The following HDAC9 variants were observed in gnomAD, a reference collection of about 807,000 sequenced individuals.
HDAC9 encodes MEF-2 interacting transcription repressor (MITR) protein.
In HDAC9, 41 loss-of-function variants were observed where a neutral mutation model predicts 139.4. The ratio of observed to expected loss-of-function variants is 0.29; its 90% CI spans 0.23 to 0.38. HDAC9 has a LOEUF of 0.38. Among genes scored for constraint, HDAC9 ranks in the 10% least tolerant of loss-of-function variants. The pLI is 1.00. For synonymous variants in HDAC9, 517 were observed against 476.2 expected, an observed-to-expected ratio of 1.09 and a Z score of -1.12; for missense variants, 1,147 against 1,297.0, an observed-to-expected ratio of 0.88 and a Z score of 1.78.
intron 1 of HDAC9, among the ~76,000 whole-genome samples, chr7:18,299,337 C>T (rs931297218): frequency 6.6e-6 from 1 of 151,332 alleles, no homozygotes; most frequent in South Asian, 2.1e-4. Context: ...GTTTTGTAAG[C>T]GCCTTTGGGT....
intron 2 of HDAC9, among the ~76,000 whole-genome samples, chr7:18,169,413 A>G (rs557627996): frequency 1.3e-5 from 2 of 151,394 alleles, no homozygotes; most frequent in South Asian, 4.2e-4. Flanking sequence ...TTATGGTTTT[A>G]ATTTTGCCAT....
At position 18,229,168 on chromosome 7, in the gene HDAC9, T is replaced by C. The variant is rs537348053; in HGVS notation, c.25+66819T>C. 4.6e-5 allele frequency among the ~76,000 whole-genome samples: 7 copies of C among 152,250 alleles called. No homozygotes were observed. The South Asian group carries it at 1.5e-3, about 32-fold the overall frequency. ...ATAAACCTGTATCTAATAAGTTAAA[T>C]TGTGAATTGATAATACAGCTAAATA... is the stretch of plus-strand genomic sequence containing the variant. On this transcript the variant is annotated intron_variant, in intron 2 of 12. Coordinates refer to the HDAC9 transcript ENST00000417496.
Position 18,879,733 on chromosome 7 carries a change from G to A in HDAC9, c.2803+5137G>A, listed in dbSNP as rs576102213. Among the ~76,000 whole-genome samples, 63 of 152,010 alleles carry A rather than the reference G, an allele frequency of 4.1e-4. No homozygotes were observed. In the South Asian group the frequency reaches 6.2e-3, roughly 15 times the overall value. ...CCTAGAAGACATCCTAGGCAATACC[G>A]TCCTGGACATAGGTATTGGTAAAGA... On this transcript the variant is annotated intron_variant, in intron 22 of 25. Transcript: ENST00000686413.
intron 1 of HDAC9, chr7:18,429,158 C>G (rs1032326255): frequency 2.6e-5 from 4 of 152,186 alleles, no homozygotes; most frequent in Admixed American, 2.6e-4. Flanking sequence ...TTAGAACATA[C>G]AGTTCACAGA....
intron 13 of HDAC9, among the ~76,000 whole-genome samples, chr7:18,734,213 T>C (rs1055161505): frequency 2.6e-5 from 4 of 152,158 alleles, no homozygotes; most frequent in Admixed American, 2.6e-4. Context: ...TATTATATAT[T>C]ATAGTGATGT....
intron 6 of HDAC9, among the ~76,000 whole-genome samples, chr7:18,610,380 A>G (rs1836774331): frequency 6.6e-6 from 1 of 152,090 alleles, no homozygotes; most frequent in Non-Finnish European, 1.5e-5. Flanking sequence ...ATGTGCAGTA[A>G]TGCTCTCCCT....
In HDAC9 at chr7:18,388,561, A is replaced by G. The variant is rs142735929; in HGVS notation, c.-42+98046A>G. ...ACTTTAGTTCCCTCAGAAATTTAAC[A>G]GGTTCTGATATATTGCTTCTAGTCA... is the stretch of plus-strand genomic sequence containing the variant. On this transcript the variant is annotated intron_variant, in intron 1 of 3. Coordinates refer to the HDAC9 transcript ENST00000413509. 8.5e-5 allele frequency among the ~76,000 whole-genome samples: 13 copies of G among 152,354 alleles called. No individual in the cohort carries two copies. In the East Asian group the frequency reaches 2.5e-3, roughly 29 times the overall value.
chr7:18,550,019 C>T (rs901232402), intron 2 of HDAC9, among the ~76,000 whole-genome samples: 5 of 148,826 alleles, frequency 3.4e-5, no homozygotes, highest in African/African-American at 1.3e-4. Context: ...GAAAGGCATT[C>T]TTTATTTTTT....
chr7:18,707,049 A>G (rs1371086267), intron 12 of HDAC9, among the ~76,000 whole-genome samples: 2 of 152,178 alleles, frequency 1.3e-5, no homozygotes, highest in East Asian at 1.9e-4. Flanking sequence ...AAGTGTGGAA[A>G]TAGAGCCAAG....
intron 2 of HDAC9, among the ~76,000 whole-genome samples, chr7:18,190,583 T>A (rs1304494168): frequency 6.6e-6 from 1 of 152,196 alleles, no homozygotes; most frequent in Non-Finnish European, 1.5e-5. Context: ...AACTGTAAGA[T>A]TATGATGCAA....
intron 21 of HDAC9, among the ~76,000 whole-genome samples, chr7:18,852,613 C>T (rs1187471585): frequency 1.3e-5 from 2 of 152,082 alleles, no homozygotes; most frequent in African/African-American, 4.8e-5. Flanking sequence ...ACATATAGTC[C>T]TAACACCTTG....
At chr7:18,352,565 A>G (rs1009950340) in intron 1 of HDAC9, among the ~76,000 whole-genome samples, 7 of 152,090 alleles carry the variant, frequency 4.6e-5, no homozygotes, top group Non-Finnish European at 4.4e-5. Flanking sequence ...ATTTTCCAGA[A>G]GTTCATTTCA....
intron 11 of HDAC9, among the ~76,000 whole-genome samples, chr7:18,655,313 G>T (rs75335065): frequency 1.3e-5 from 2 of 152,028 alleles, no homozygotes; most frequent in African/African-American, 4.8e-5. Flanking sequence ...AAAAACTTTA[G>T]CAAGCATTGA....
At chr7:18,978,957 TTAAC>T (rs1585463822) in intron 25 of HDAC9, among the ~76,000 whole-genome samples, 1 of 152,178 alleles carries the variant, frequency 6.6e-6, no homozygotes, top group African/African-American at 2.4e-5. Context: ...TGTTTTTTTT[TTAAC>T]TAACACAAAA....
chr7:18,625,587 G>A (rs1841459697), intron 6 of HDAC9, among the ~76,000 whole-genome samples: 1 of 152,056 alleles, frequency 6.6e-6, no homozygotes, highest in Non-Finnish European at 1.5e-5. Context: ...ATCTTCCCTG[G>A]TTGTGAACCA....
At chr7:18,653,348 T>C (rs1331905775) in intron 11 of HDAC9, among the ~76,000 whole-genome samples, 2 of 152,044 alleles carry the variant, frequency 1.3e-5, no homozygotes, top group Non-Finnish European at 2.9e-5. Flanking sequence ...TAATTACTTC[T>C]CTGGATTATC....
intron 1 of HDAC9, among the ~76,000 whole-genome samples, chr7:18,294,976 G>A (rs773005937): frequency 1.3e-5 from 2 of 152,124 alleles, no homozygotes; most frequent in Non-Finnish European, 2.9e-5. Flanking sequence ...ACTGGGTCTA[G>A]TGAGACGTCT....
At chr7:18,366,532 G>T (rs1784192915) in intron 1 of HDAC9, among the ~76,000 whole-genome samples, 1 of 152,044 alleles carries the variant, frequency 6.6e-6, no homozygotes, top group Non-Finnish European at 1.5e-5. Context: ...GAACCTTCTT[G>T]GCTGATGAAC....
At chr7:18,163,913 G>A (rs769722188) in intron 2 of HDAC9, among the ~76,000 whole-genome samples, 2 of 152,040 alleles carry the variant, frequency 1.3e-5, no homozygotes, top group Non-Finnish European at 2.9e-5. Flanking sequence ...CAAGAATGTT[G>A]ATTTTATAAA....
Sources: gnomAD v4.1 joint callset for allele counts (sites outside exome capture counted in the v4.1 genomes callset) on GRCh38, gnomAD v4.1.1 for gene constraint, MANE v1.5 for transcripts, NCBI Gene and HGNC (gene_info 2026-07-23, HGNC 2026-07-21) for gene names.